The following FHOD3 variants were observed in gnomAD, a reference collection of about 807,000 sequenced individuals.
The protein encoded by FHOD3 is FH1/FH2 domain-containing protein 3.
Under a neutral mutation model 173.0 loss-of-function variants are expected in FHOD3, and 90 were observed. The observed-to-expected ratio is 0.52, with a 90% CI of 0.44 to 0.62. The LOEUF (loss-of-function observed/expected upper bound fraction) is 0.62. Among genes scored for constraint, FHOD3 ranks in the 20% least tolerant of loss-of-function variants. The pLI is 0.00. For missense variants in FHOD3, 1,945 were observed against 2,034.7 expected (o/e 0.96, Z 0.85); for synonymous variants, 828 against 823.0 (o/e 1.01, Z -0.10).
At chr18:36,703,104 A>G (rs528920711) in intron 17 of FHOD3, among the ~76,000 whole-genome samples, 1 of 152,274 alleles carries the variant, frequency 6.6e-6, no homozygotes, top group South Asian at 2.1e-4. Context: ...CCCAGAGACT[A>G]GCGGTCGTGG....
intron 3 of FHOD3, among the ~76,000 whole-genome samples, chr18:36,396,672 C>A (rs1429104665): frequency 6.6e-6 from 1 of 152,074 alleles, no homozygotes; most frequent in Non-Finnish European, 1.5e-5. Context: ...TTAGGTATGA[C>A]TTTAGGTACA....
intron 10 of FHOD3, among the ~76,000 whole-genome samples, chr18:36,626,193 T>C (rs1313176729): frequency 6.6e-6 from 1 of 152,200 alleles, no homozygotes; most frequent in African/African-American, 2.4e-5. Context: ...AAAACCCATA[T>C]GAGTTTCCAA....
At chr18:36,424,604 A>C (rs374268512) in intron 3 of FHOD3, among the ~76,000 whole-genome samples, 3 of 152,214 alleles carry the variant, frequency 2.0e-5, no homozygotes, top group East Asian at 3.8e-4. Flanking sequence ...TGAATCTCAG[A>C]TCATTTACTG....
chr18:36,496,664 A>G (rs2054759560), intron 3 of FHOD3, among the ~76,000 whole-genome samples: 1 of 152,222 alleles, frequency 6.6e-6, no homozygotes, highest in African/African-American at 2.4e-5. Flanking sequence ...ATTCCTTTAA[A>G]TAAATATTTT....
At chr18:36,583,666 G>C (rs2058931155) in intron 6 of FHOD3, among the ~76,000 whole-genome samples, 1 of 152,124 alleles carries the variant, frequency 6.6e-6, no homozygotes, top group African/African-American at 2.4e-5. Context: ...CAGCTTCTTT[G>C]TGAGTGCCAT....
chr18:36,686,132 AT>A (rs1218568838), intron 15 of FHOD3, among the ~76,000 whole-genome samples: 1 of 152,142 alleles, frequency 6.6e-6, no homozygotes, highest in Non-Finnish European at 1.5e-5. Context: ...AAATCATTCT[AT>A]CTTAAAGACA....
intron 3 of FHOD3, among the ~76,000 whole-genome samples, chr18:36,408,921 G>T (rs1037865061): frequency 3.3e-5 from 5 of 152,134 alleles, no homozygotes; most frequent in Admixed American, 6.5e-5. Flanking sequence ...TCACAATGGC[G>T]ATAGGTTGAC....
chr18:36,620,881 G>A (rs903734), intron 9 of FHOD3, among the ~76,000 whole-genome samples: 148,692 of 152,324 alleles, frequency 0.98, 72,688 homozygotes, highest in East Asian at 1. Flanking sequence ...GGGCAGCAAC[G>A]AAGCCTACAA....
At chr18:36,500,425 T>C (rs548614164) in intron 3 of FHOD3, among the ~76,000 whole-genome samples, 2 of 152,248 alleles carry the variant, frequency 1.3e-5, no homozygotes, top group Non-Finnish European at 2.9e-5. Flanking sequence ...ATTTGTTCCA[T>C]GCCACTTGCA....
intron 9 of FHOD3, 25 bp from the exon 10 acceptor site, chr18:36,625,486 C>T (rs1273506461): frequency 1.4e-6 from 2 of 1,391,610 alleles, no homozygotes; most frequent in Non-Finnish European, 1.9e-6. Flanking sequence ...CCTGACCTTG[C>T]ACTGGGCGTG....
At chr18:36,531,520 CCCTT>C (rs1270923072) in intron 5 of FHOD3, among the ~76,000 whole-genome samples, 1 of 152,186 alleles carries the variant, frequency 6.6e-6, no homozygotes, top group Non-Finnish European at 1.5e-5. Context: ...CATCTTGCCT[CCCTT>C]CCTAAATCAC....
chr18:36,761,275 C>T (rs1034916774), intron 27 of FHOD3, among the ~76,000 whole-genome samples: 8 of 152,154 alleles, frequency 5.3e-5, no homozygotes, highest in African/African-American at 9.7e-5. Context: ...TTTTTCACAT[C>T]CTTAGGCAGA....
At chr18:36,754,449 A>G (rs2150192725) in intron 24 of FHOD3, among the ~76,000 whole-genome samples, 1 of 152,276 alleles carries the variant, frequency 6.6e-6, no homozygotes, top group African/African-American at 2.4e-5. Context: ...TTTTAAAACA[A>G]ATAATGTTTA....
At chr18:36,407,590 G>A (rs1219396804) in intron 3 of FHOD3, among the ~76,000 whole-genome samples, 2 of 152,214 alleles carry the variant, frequency 1.3e-5, no homozygotes, top group Admixed American at 6.5e-5. Flanking sequence ...AAAGACTTGA[G>A]CGTAAGCGAT....
chr18:36,754,282 G>T (rs889172594), intron 24 of FHOD3, among the ~76,000 whole-genome samples: 25 of 152,108 alleles, frequency 1.6e-4, no homozygotes, highest in African/African-American at 5.3e-4. Context: ...GTGCAAATTA[G>T]AGTGATCAAA....
At chr18:36,476,268 A>C (rs148184881) in intron 3 of FHOD3, among the ~76,000 whole-genome samples, 105 of 152,304 alleles carry the variant, frequency 6.9e-4, no homozygotes, top group African/African-American at 2.4e-3. Context: ...AGCGTCTCAC[A>C]GGCTGTCAGA....
intron 8 of FHOD3, among the ~76,000 whole-genome samples, chr18:36,603,103 A>G (rs13381413): frequency 0.017 from 2,589 of 152,318 alleles, 79 homozygotes; most frequent in African/African-American, 0.06. Context: ...CAGGGAAAGC[A>G]TGGCCCTGCT....
intron 2 of FHOD3, among the ~76,000 whole-genome samples, chr18:36,363,748 G>T (rs886433258): frequency 4.6e-5 from 7 of 152,150 alleles, no homozygotes; most frequent in African/African-American, 1.7e-4. Context: ...TTATGTATTT[G>T]TGAGAACTCA....
chr18:36,588,822 A>C (rs2059121695), intron 6 of FHOD3, among the ~76,000 whole-genome samples: 1 of 152,202 alleles, frequency 6.6e-6, no homozygotes, highest in Admixed American at 6.5e-5. Context: ...CAGGTTCTGT[A>C]CAGGCAACTC....
Sources: allele counts gnomAD v4.1 joint callset (sites outside exome capture counted in the v4.1 genomes callset), GRCh38; gene constraint gnomAD v4.1.1; transcripts MANE v1.5; gene names NCBI Gene and HGNC (gene_info 2026-07-23, HGNC 2026-07-21).